WDR25: variants seen among roughly 807,000 people sequenced by gnomAD.
The protein encoded by WDR25 is WD repeat domain 25.
Under a neutral mutation model 47.7 loss-of-function variants are expected in WDR25, and 35 were observed. The ratio of observed to expected loss-of-function variants is 0.73; its 90% CI spans 0.56 to 0.97. The LOEUF is 0.97. Among genes scored for constraint, WDR25 ranks in the 50% least tolerant of loss-of-function variants. The probability of loss-of-function intolerance (pLI) is 0.00; values close to 1 mark genes in which losing one functional copy is unlikely to be tolerated. For synonymous variants in WDR25, 248 were observed against 278.9 expected, an observed-to-expected ratio of 0.89 and a Z score of 1.10; for missense variants, 634 against 704.7, an observed-to-expected ratio of 0.90 and a Z score of 1.14.
intron 2 of WDR25, among the ~76,000 whole-genome samples, chr14:100,420,575 T>C (rs751976009): frequency 1.3e-5 from 2 of 152,210 alleles, no homozygotes; most frequent in African/African-American, 2.4e-5. Flanking sequence ...TCTTAGACTC[T>C]ATTGCTAGGG....
In WDR25 at chr14:100,502,123, A is replaced by T. The variant is rs894293168; in HGVS notation, c.1101+17999A>T. On this transcript the variant is annotated intron_variant, in intron 4 of 6. Transcript: ENST00000402312. This position sits in a 1 kb window ranked among gnomAD's most constrained non-coding sequence, Gnocchi z 4.5. ...CCTAGGAAGGCTGTCCTTGGAGGAT[A>T]TGTTCTGCTTCTGTTGGAAGTGCCT... Among the ~76,000 whole-genome samples the T allele has an allele frequency of 7.9e-5, 12 of 152,138 alleles. No homozygotes were observed. The highest frequency in any genetic ancestry group is 1.3e-4 in the Non-Finnish European group (9 of 68,012).
Position 100,525,787 on chromosome 14 carries a change from C to T in WDR25, c.1102-83C>T, listed in dbSNP as rs2030093554. The T allele has an allele frequency of 1.3e-6, 2 of 1,523,080 alleles. No homozygotes were observed. Among genetic ancestry groups the T allele is most frequent in the Admixed American group, 2.0e-5 (1 of 50,866 alleles). 94.3% of individuals were successfully genotyped at this position (1,523,080 alleles called of 1,614,324 possible). On this transcript the variant is annotated intron_variant, in intron 4 of 6. Coordinates refer to ENST00000402312, the MANE Select transcript of WDR25 (RefSeq NM_001161476.3). The surrounding 1 kb of genome is among the most constrained non-coding windows in gnomAD (Gnocchi z 4.6). ...GCATAAACTTCACTAAACCTGCCTG[C>T]CCCCTGGGTCCTTGGCCTTCCCTGC...
chr14:100,422,348 G>T (rs554160404), intron 2 of WDR25, among the ~76,000 whole-genome samples: 1 of 152,218 alleles, frequency 6.6e-6, no homozygotes, highest in Admixed American at 6.5e-5. Context: ...GTTCTGAGAG[G>T]CCCCTATACT....
In WDR25 at chr14:100,484,134, A is replaced by G. The variant is rs969201292; in HGVS notation, c.1101+10A>G. On this transcript the variant is annotated intron_variant, in intron 4 of 6. Coordinates refer to ENST00000402312, the MANE Select transcript of WDR25 (RefSeq NM_001161476.3). Reference sequence around the variant, plus strand: ...TATAAGGACTGGCAAGGTAATAGCCATATTCCTAACTTGGCCTTTCCACAG... The same window carrying G: ...TATAAGGACTGGCAAGGTAATAGCCGTATTCCTAACTTGGCCTTTCCACAG... The G allele has an allele frequency of 2.5e-6, 4 of 1,605,214 alleles. No individual in the cohort carries two copies. The highest frequency in any genetic ancestry group is 2.5e-6 in the Non-Finnish European group (3 of 1,177,044).
intron 4 of WDR25, among the ~76,000 whole-genome samples, chr14:100,501,058 C>T (rs1437263311): frequency 1.3e-5 from 2 of 152,144 alleles, no homozygotes; most frequent in African/African-American, 4.8e-5. Context: ...GTGCACCGGG[C>T]GACCTGGTGT....
intron 2 of WDR25, among the ~76,000 whole-genome samples, chr14:100,418,209 G>T (rs1897923736): frequency 1.3e-5 from 2 of 151,586 alleles, no homozygotes; most frequent in African/African-American, 4.8e-5. Flanking sequence ...CTCCCAAAGT[G>T]CTGGGATAAC....
intron 1 of WDR25, among the ~76,000 whole-genome samples, chr14:100,379,031 G>GGA (rs1896804490): frequency 6.6e-6 from 1 of 150,612 alleles, no homozygotes; most frequent in East Asian, 1.9e-4. Flanking sequence ...GGGAAGGGCT[G>GGA]GAGCACAGGG....
chr14:100,380,787 C>T, intron 1 of WDR25, 123 bp from the exon 2 acceptor site: 2 of 949,092 alleles, frequency 2.1e-6, no homozygotes, highest in Admixed American at 2.8e-5. Flanking sequence ...AGCCACCACG[C>T]CTGGCCTGTG....
chr14:100,433,601 TC>T (rs1898406476), intron 2 of WDR25, among the ~76,000 whole-genome samples: 1 of 152,230 alleles, frequency 6.6e-6, no homozygotes, highest in African/African-American at 2.4e-5. Context: ...CCTGAGTCAG[TC>T]CCTATGATCA....
At chr14:100,519,369 C>A (rs1355012913) in intron 4 of WDR25, among the ~76,000 whole-genome samples, 2 of 151,364 alleles carry the variant, frequency 1.3e-5, no homozygotes, top group East Asian at 3.9e-4. Flanking sequence ...CTATCTGGTA[C>A]ATGTTGCATA....
chr14:100,524,800 G>T (rs2030033629), intron 4 of WDR25, among the ~76,000 whole-genome samples: 1 of 152,176 alleles, frequency 6.6e-6, no homozygotes, highest in African/African-American at 2.4e-5. Context: ...CTGGGCCTCA[G>T]TGAACCTCAT....
intron 4 of WDR25, among the ~76,000 whole-genome samples, chr14:100,486,484 C>A (rs957839676): frequency 5.3e-5 from 8 of 152,220 alleles, no homozygotes; most frequent in African/African-American, 1.7e-4. Context: ...AATCCTCCCC[C>A]ACTGGGTCAC....
chr14:100,453,226 G>A (rs1290346889), intron 2 of WDR25, among the ~76,000 whole-genome samples: 2 of 152,186 alleles, frequency 1.3e-5, no homozygotes, highest in Non-Finnish European at 2.9e-5. Context: ...CTAGGGCAGT[G>A]GGTTGGACCT....
rs546829217 is a variant in WDR25 at position 100,407,562 on chromosome 14, G to A, written c.822+25816G>A. The A allele has an allele frequency of 2.0e-5, 3 of 152,492 alleles. No homozygotes were observed. The highest frequency in any genetic ancestry group is 4.8e-5 in the African/African-American group (2 of 41,552). 9.4% of individuals were successfully genotyped at this position (152,492 alleles called of 1,614,324 possible). ...CAGTGTGCCCTTGTGGGAAGCCGGT[G>A]CGTTTCCAGGGGAGCTGCTGGAGGC... is the stretch of plus-strand genomic sequence containing the variant. On this transcript the variant is annotated intron_variant, in intron 2 of 6. Transcript: ENST00000402312. This position sits in a 1 kb window ranked among gnomAD's most constrained non-coding sequence, Gnocchi z 4.1.
chr14:100,398,035 C>A (rs143786565), intron 2 of WDR25, among the ~76,000 whole-genome samples: 1 of 152,282 alleles, frequency 6.6e-6, no homozygotes, highest in Non-Finnish European at 1.5e-5. Flanking sequence ...GACAGAGTTT[C>A]ACCATGTTGG....
intron 1 of WDR25, among the ~76,000 whole-genome samples, chr14:100,379,091 G>A (rs1026013069): frequency 1.5e-4 from 23 of 151,374 alleles, no homozygotes; most frequent in African/African-American, 4.9e-4. Flanking sequence ...GATCCTGGAC[G>A]TCTTTTGATT....
chr14:100,418,404 T>G (rs1215335812), intron 2 of WDR25, among the ~76,000 whole-genome samples: 1 of 151,172 alleles, frequency 6.6e-6, no homozygotes, highest in Non-Finnish European at 1.5e-5. Context: ...GAGGCCGAGG[T>G]GGGCGGATCA....
intron 2 of WDR25, among the ~76,000 whole-genome samples, chr14:100,419,305 C>G (rs922223527): frequency 2.0e-5 from 3 of 152,000 alleles, no homozygotes; most frequent in African/African-American, 7.3e-5. Flanking sequence ...TTCCGCCTAC[C>G]TCTTTCTTCC....
At chr14:100,475,856 A>G (rs1899998163) in intron 3 of WDR25, among the ~76,000 whole-genome samples, 1 of 151,828 alleles carries the variant, frequency 6.6e-6, no homozygotes, top group African/African-American at 2.4e-5. Flanking sequence ...CAATGTATAT[A>G]CAGATCAAAA....
Sources: allele counts gnomAD v4.1 joint callset (sites outside exome capture counted in the v4.1 genomes callset), GRCh38; gene constraint gnomAD v4.1.1; non-coding constraint Gnocchi (gnomAD v3.1); transcripts MANE v1.5; gene names NCBI Gene and HGNC (gene_info 2026-07-23, HGNC 2026-07-21).